NLGN4X: variants seen among roughly 807,000 people sequenced by gnomAD.
NLGN4X encodes the protein neuroligin 4 X-linked.
Under a neutral mutation model 40.3 loss-of-function variants are expected in NLGN4X, and 3 were observed. The observed-to-expected ratio is 0.07, with a 90% confidence interval of 0.03 to 0.19. The LOEUF (loss-of-function observed/expected upper bound fraction) is 0.19. Ranked by LOEUF, NLGN4X falls within the 10% of genes least tolerant of loss-of-function variation. The probability of loss-of-function intolerance (pLI) is 1.00; values close to 1 mark genes in which losing one functional copy is unlikely to be tolerated. For synonymous variants in NLGN4X, 270 were observed against 306.8 expected (o/e 0.88, Z 1.25); for missense variants, 382 against 708.3 (o/e 0.54, Z 5.23).
chrX:6,150,856 T>G (rs2040148676), intron 2 of NLGN4X, 139 bp downstream of exon 2: 1 of 558,898 alleles, frequency 1.8e-6, no homozygotes, highest in Admixed American at 3.0e-5. Context: ...AGAATTGCAT[T>G]TGGAATATGA....
At position 6,011,977 on chromosome X, in the gene NLGN4X, T is replaced by G. The variant is rs374193098; in HGVS notation, c.625+17303A>C. Among the ~76,000 whole-genome samples the G allele has an allele frequency of 2.0e-4, 23 of 112,253 alleles. 3 individuals are homozygous for G. Among genetic ancestry groups the G allele is most frequent in the Admixed American group, 1.6e-3 (17 of 10,563 alleles). On this transcript the variant is annotated intron_variant, in intron 3 of 5. Transcript: ENST00000381095. ...TTTCATTAAAAGTCCATGAGTCGTT[T>G]TAAAACTTGAGATATATTTGAATAA...
rs1443279301 is a variant in NLGN4X, at chrX:6,054,937, T to C, written c.473-25505A>G. On this transcript the variant is annotated intron_variant, in intron 2 of 5. Transcript: ENST00000381095. ...TCCCAAAGTGCTGGGATTACAGGCGTAAGCCACTGTGCTCAGCAGGAATTA... is the reference window on the plus strand; with the variant it reads ...TCCCAAAGTGCTGGGATTACAGGCGCAAGCCACTGTGCTCAGCAGGAATTA... Among the ~76,000 whole-genome samples the C allele has an allele frequency of 2.7e-5, 3 of 112,329 alleles. No individual in the cohort carries two copies. In the East Asian group the frequency reaches 8.5e-4, roughly 32 times the overall value.
chrX:5,949,368 C>A (rs144540133), intron 3 of NLGN4X, among the ~76,000 whole-genome samples: 92 of 111,654 alleles, frequency 8.2e-4, no homozygotes, highest in African/African-American at 2.9e-3. Context: ...CTGCTGTGAT[C>A]AGTTGGTGAT....
intron 3 of NLGN4X, among the ~76,000 whole-genome samples, chrX:5,959,041 G>C (rs149255228): frequency 0.019 from 2,170 of 112,029 alleles, 55 homozygotes; most frequent in African/African-American, 0.067. Flanking sequence ...TGTGTCTCAG[G>C]CCCAAATGTG....
rs751125345 is a variant in NLGN4X, at chrX:6,158,583, T to C, written c.-305-6812A>G. Among the ~76,000 whole-genome samples the C allele has an allele frequency of 2.6e-4, 29 of 112,267 alleles. 1 individual carries two copies. Among genetic ancestry groups the C allele is most frequent in the Admixed American group, 2.3e-3 (24 of 10,563 alleles). On this transcript the variant is annotated intron_variant, in intron 1 of 5. Coordinates refer to ENST00000381095, the MANE Select transcript of NLGN4X (RefSeq NM_181332.3). ...GTACTGAGCAACGATGTGGAGCAAC[T>C]AGAACTCCCATGCATCAGGAAACAT...
chrX:6,066,964 T>C (rs143642066), intron 2 of NLGN4X, among the ~76,000 whole-genome samples: 53 of 109,117 alleles, frequency 4.9e-4, no homozygotes, highest in African/African-American at 1.7e-3. Context: ...ACAAAATTAG[T>C]TGGACATAGT....
At position 6,218,474 on chromosome X, in the gene NLGN4X, C is replaced by CA. The variant is rs1556012458; in HGVS notation, c.-306+10066_-306+10067insT. ...TGAAATAGGACATGAGAGATTAAAC[C>CA]CACACACACACACACACACACACAC... is the stretch of plus-strand genomic sequence containing the variant. On this transcript the variant is annotated intron_variant, in intron 1 of 5. Transcript: ENST00000381095. Among the ~76,000 whole-genome samples the CA allele has an allele frequency of 7.4e-3, 347 of 46,989 alleles. 2 individuals carry two copies. Among genetic ancestry groups the CA allele is most frequent in the African/African-American group, 0.023 (330 of 14,285 alleles). The allele number at this position is 46,989 out of a possible 115,157, so 40.8% of individuals were successfully genotyped here. A position where few individuals can be genotyped will look rare whatever the true frequency, so the allele number is the denominator to read the frequency against.
At chrX:6,082,977 T>TTTTG (rs1569227473) in intron 2 of NLGN4X, among the ~76,000 whole-genome samples, 124 of 85,609 alleles carry the variant, frequency 1.4e-3, no homozygotes, top group African/African-American at 5.3e-3. Context: ...TTTTTTTTTT[T>TTTTG]GAGACGGAGT....
chrX:5,989,257 C>T lies in NLGN4X; in HGVS notation c.625+40023G>A, dbSNP rs148640208. On this transcript the variant is annotated intron_variant, in intron 3 of 5. Coordinates refer to ENST00000381095, the MANE Select transcript of NLGN4X (RefSeq NM_181332.3). ...ATGCCTCCTTAAGGATTAAGACTTG[C>T]CTCAGCAAGATATTAAAAATAAATT... Among the ~76,000 whole-genome samples the T allele has an allele frequency of 2.8e-4, 31 of 110,983 alleles. No homozygotes were observed. In the East Asian group the frequency reaches 8.8e-3, roughly 32 times the overall value.
intron 2 of NLGN4X, among the ~76,000 whole-genome samples, chrX:6,044,236 T>C (rs1218127213): frequency 2.7e-5 from 3 of 111,815 alleles, no homozygotes; most frequent in African/African-American, 9.8e-5. Flanking sequence ...TGAGCTATAA[T>C]TGTGGCACTG....
At chrX:6,209,791 T>C (rs1481125209) in intron 1 of NLGN4X, among the ~76,000 whole-genome samples, 1 of 112,196 alleles carries the variant, frequency 8.9e-6, no homozygotes, top group Non-Finnish European at 1.9e-5. Context: ...TACATTAGCA[T>C]AAGAATGATA....
intron 2 of NLGN4X, among the ~76,000 whole-genome samples, chrX:6,142,518 T>A (rs2039969346): frequency 8.9e-6 from 1 of 112,709 alleles, no homozygotes; most frequent in African/African-American, 3.2e-5. Context: ...AACTGACAGA[T>A]GAAAACTGGA....
chrX:6,134,574 G>A (rs769002195), intron 2 of NLGN4X, among the ~76,000 whole-genome samples: 1 of 112,036 alleles, frequency 8.9e-6, no homozygotes, highest in African/African-American at 3.2e-5. Context: ...TTAGCAAAGT[G>A]GCCTGACAAT....
intron 1 of NLGN4X, among the ~76,000 whole-genome samples, chrX:6,225,888 A>ACC (rs1926240391): frequency 3.1e-5 from 2 of 64,644 alleles, no homozygotes; most frequent in Admixed American, 1.6e-4. Flanking sequence ...ACAACAAACC[A>ACC]CCGCCCCCCC....
intron 1 of NLGN4X, among the ~76,000 whole-genome samples, chrX:6,153,049 T>C (rs2040196939): frequency 8.9e-6 from 1 of 112,860 alleles, no homozygotes; most frequent in Non-Finnish European, 1.9e-5. Context: ...CAGAAAATAT[T>C]TCACTAGGTG....
intron 2 of NLGN4X, among the ~76,000 whole-genome samples, chrX:6,142,741 G>T (rs57946422): frequency 0.28 from 31,709 of 111,373 alleles, 3,343 homozygotes; most frequent in Non-Finnish European, 0.3. Flanking sequence ...ACGGTTTAAG[G>T]AACTTTTCCA....
chrX:6,183,433 G>A (rs1284594507), intron 1 of NLGN4X, among the ~76,000 whole-genome samples: 7 of 110,872 alleles, frequency 6.3e-5, no homozygotes, highest in Non-Finnish European at 1.3e-4. Flanking sequence ...TGTAGTCCCA[G>A]CCACTTGGGA....
chrX:6,079,467 C>T (rs1187543723), intron 2 of NLGN4X, among the ~76,000 whole-genome samples: 1 of 112,394 alleles, frequency 8.9e-6, no homozygotes, highest in Non-Finnish European at 1.9e-5. Flanking sequence ...TAATCTAGCC[C>T]TTCAATCACT....
chrX:5,916,327 T>C (rs1355208765), intron 3 of NLGN4X, among the ~76,000 whole-genome samples: 3 of 112,548 alleles, frequency 2.7e-5, no homozygotes, highest in Non-Finnish European at 5.6e-5. Flanking sequence ...TATTATGAGA[T>C]GCTGTTTGTC....
Sources: allele counts gnomAD v4.1 joint callset (sites outside exome capture counted in the v4.1 genomes callset), GRCh38; gene constraint gnomAD v4.1.1; transcripts MANE v1.5; gene names NCBI Gene and HGNC (gene_info 2026-07-23, HGNC 2026-07-21).